The following COL25A1 variants were observed in gnomAD, a reference collection of about 807,000 sequenced individuals.
The protein encoded by COL25A1 is collagen alpha-1(XXV) chain.
Under a neutral mutation model 128.4 loss-of-function variants are expected in COL25A1, and 103 were observed. The ratio of observed to expected loss-of-function variants is 0.80; its 90% confidence interval spans 0.68 to 0.94. COL25A1 has a LOEUF of 0.94. Ranked by LOEUF, COL25A1 falls within the 40% of genes least tolerant of loss-of-function variation. The pLI is 0.00. For synonymous variants in COL25A1, 279 were observed against 277.2 expected, an observed-to-expected ratio of 1.01 and a Z score of -0.06; for missense variants, 745 against 840.0, an observed-to-expected ratio of 0.89 and a Z score of 1.40.
chr4:108,862,287 C>T (rs1404399079), intron 22 of COL25A1, among the ~76,000 whole-genome samples: 6 of 152,132 alleles, frequency 3.9e-5, no homozygotes, highest in Non-Finnish European at 8.8e-5. Flanking sequence ...TTTTCTGAAG[C>T]ACTAGACTAT....
At chr4:108,901,871 A>T (rs1201788222) in intron 13 of COL25A1, among the ~76,000 whole-genome samples, 1 of 152,088 alleles carries the variant, frequency 6.6e-6, no homozygotes, top group Non-Finnish European at 1.5e-5. Flanking sequence ...CTGAACCAGC[A>T]ATTGTTTTCC....
At chr4:109,031,684 G>A (rs1758881309) in intron 5 of COL25A1, among the ~76,000 whole-genome samples, 1 of 152,056 alleles carries the variant, frequency 6.6e-6, no homozygotes, top group African/African-American at 2.4e-5. Flanking sequence ...CCAAATCAAG[G>A]CATAGTTAGA....
At chr4:109,270,419 A>G (rs1312862141) in intron 3 of COL25A1, among the ~76,000 whole-genome samples, 1 of 152,220 alleles carries the variant, frequency 6.6e-6, no homozygotes, top group African/African-American at 2.4e-5. Flanking sequence ...ATTCCTATAC[A>G]CCAACAGCAG....
At chr4:109,120,390 A>T (rs757754733) in intron 3 of COL25A1, among the ~76,000 whole-genome samples, 11 of 152,140 alleles carry the variant, frequency 7.2e-5, no homozygotes, top group Non-Finnish European at 1.6e-4. Context: ...TGGAAAAATA[A>T]ACAAAAAACA....
At chr4:109,165,703 C>A (rs923580973) in intron 3 of COL25A1, among the ~76,000 whole-genome samples, 3 of 151,702 alleles carry the variant, frequency 2.0e-5, no homozygotes, top group African/African-American at 7.2e-5. Context: ...AGTGACAGAA[C>A]AATACTGTCT....
At chr4:109,247,171 C>CTGGCCAA (rs1403937120) in intron 3 of COL25A1, among the ~76,000 whole-genome samples, 2 of 152,146 alleles carry the variant, frequency 1.3e-5, no homozygotes, top group Admixed American at 6.5e-5. Flanking sequence ...CAAGACCAGC[C>CTGGCCAA]TGGCCAACAT....
chr4:108,998,775 C>A (rs1755040518), intron 6 of COL25A1, among the ~76,000 whole-genome samples: 1 of 152,086 alleles, frequency 6.6e-6, no homozygotes, highest in African/African-American at 2.4e-5. Flanking sequence ...ATATATAGAC[C>A]AATGGAACAG....
intron 3 of COL25A1, among the ~76,000 whole-genome samples, chr4:109,065,541 CGCGCGTGT>C (rs1165102160): frequency 6.0e-5 from 8 of 133,554 alleles, no homozygotes; most frequent in Admixed American, 2.3e-4. Context: ...CACGCGCGCG[CGCGCGTGT>C]GTGTGTGTGT....
At chr4:109,122,472 C>T (rs374537964) in intron 3 of COL25A1, among the ~76,000 whole-genome samples, 64 of 151,836 alleles carry the variant, frequency 4.2e-4, no homozygotes, top group African/African-American at 1.4e-3. Flanking sequence ...TGAGGGGAAT[C>T]GAGGGGAGAA....
intron 8 of COL25A1, among the ~76,000 whole-genome samples, chr4:108,943,574 A>G (rs888280711): frequency 2.6e-5 from 4 of 152,194 alleles, no homozygotes; most frequent in African/African-American, 4.8e-5. Context: ...CTCTGCAGTA[A>G]TCACTTCTGT....
rs114047964 is a variant in COL25A1, at chr4:109,045,032, T to C, written c.420+3136A>G. Among the ~76,000 whole-genome samples, 298 of 152,320 alleles carry C rather than the reference T, an allele frequency of 2.0e-3. 2 individuals are homozygous for C. The highest frequency in any genetic ancestry group is 7.0e-3 in the African/African-American group (289 of 41,578). ...CCTTTTCGTCCTTCTCCTCCTCAGA[T>C]TATTCAATGTGAACATGGTGAGGAT... On this transcript the variant is annotated intron_variant, in intron 5 of 37. Coordinates refer to ENST00000399132, the MANE Select transcript of COL25A1 (RefSeq NM_198721.4).
At chr4:108,964,137 AAAAT>A (rs1005714792) in intron 8 of COL25A1, among the ~76,000 whole-genome samples, 7 of 150,708 alleles carry the variant, frequency 4.6e-5, no homozygotes, top group African/African-American at 9.7e-5. Context: ...AAAATTAATT[AAAAT>A]AAATAATGTA....
At chr4:109,037,529 A>C (rs1257697626) in intron 5 of COL25A1, among the ~76,000 whole-genome samples, 1 of 152,194 alleles carries the variant, frequency 6.6e-6, no homozygotes, top group African/African-American at 2.4e-5. Context: ...AGCACCAATC[A>C]ATTTCTTTTA....
intron 8 of COL25A1, among the ~76,000 whole-genome samples, chr4:108,952,831 C>CTTTTTTTTTTTTTTTTTTTTT (rs59761040): frequency 1.5e-5 from 1 of 66,958 alleles, no homozygotes. Flanking sequence ...AAAAACTCAA[C>CTTTTTTTTTTTTTTTTTTTTT]TTTTTTTTTT....
At chr4:109,043,134 G>T (rs1224789410) in intron 5 of COL25A1, among the ~76,000 whole-genome samples, 4 of 151,862 alleles carry the variant, frequency 2.6e-5, no homozygotes, top group Admixed American at 6.6e-5. Context: ...TGTAAAATAG[G>T]TATAGTAACT....
At chr4:109,149,766 G>GTA (rs944783933) in intron 3 of COL25A1, among the ~76,000 whole-genome samples, 17 of 151,958 alleles carry the variant, frequency 1.1e-4, no homozygotes, top group South Asian at 6.2e-4. Flanking sequence ...TTTAAAATAT[G>GTA]TATATATATA....
intron 8 of COL25A1, among the ~76,000 whole-genome samples, chr4:108,954,884 A>C (rs930751134): frequency 6.6e-6 from 1 of 152,086 alleles, no homozygotes; most frequent in South Asian, 2.1e-4. Flanking sequence ...ACTTTCTCTG[A>C]TATCTTAAAA....
In COL25A1 at chr4:109,070,738, A is replaced by C. The variant is rs1401429369; in HGVS notation, c.368-20559T>G. Among the ~76,000 whole-genome samples, 3 of 128,032 alleles carry C rather than the reference A, an allele frequency of 2.3e-5. No homozygotes were observed. The East Asian group carries it at 7.0e-4, about 30-fold the overall frequency. The allele number at this position is 128,032 out of a possible 152,430, so 84.0% of individuals were successfully genotyped here. A position where few individuals can be genotyped will look rare whatever the true frequency, so the allele number is the denominator to read the frequency against. Reference sequence around the variant, plus strand: ...GTGTGATGTTCCCCTTCCTATGTCCAAGTGTTCTCATTGTTCAATTCCCAA... The same window carrying C: ...GTGTGATGTTCCCCTTCCTATGTCCCAGTGTTCTCATTGTTCAATTCCCAA... On this transcript the variant is annotated intron_variant, in intron 3 of 37. Transcript: ENST00000399132.
At chr4:109,206,096 C>T (rs990689354) in intron 3 of COL25A1, among the ~76,000 whole-genome samples, 2 of 152,134 alleles carry the variant, frequency 1.3e-5, no homozygotes, top group African/African-American at 4.8e-5. Flanking sequence ...CAAAAACACA[C>T]TTAATATATA....
Sources: allele counts gnomAD v4.1 joint callset (sites outside exome capture counted in the v4.1 genomes callset), GRCh38; gene constraint gnomAD v4.1.1; transcripts MANE v1.5; gene names NCBI Gene and HGNC (gene_info 2026-07-23, HGNC 2026-07-21).